The following ANGPTL2 variants were observed in gnomAD, a reference collection of about 807,000 sequenced individuals.
ANGPTL2 encodes angiopoietin like 2, also known as angiopoietin-related protein 2.
In ANGPTL2, 25 loss-of-function variants were observed where a neutral mutation model predicts 52.8. The observed-to-expected ratio is 0.47, with a 90% confidence interval of 0.35 to 0.66. The LOEUF (loss-of-function observed/expected upper bound fraction) is 0.66, where lower values mean the gene tolerates loss of function less well. Ranked by LOEUF, ANGPTL2 falls within the 30% of genes least tolerant of loss-of-function variation. The probability of loss-of-function intolerance (pLI) is 0.01; values close to 1 mark genes in which losing one functional copy is unlikely to be tolerated. For missense variants in ANGPTL2, 546 were observed against 656.9 expected (o/e 0.83, Z 1.84); for synonymous variants, 276 against 277.4 (o/e 1.00, Z 0.05).
rs1240074533 is a variant in ANGPTL2 at position 127,087,804 on chromosome 9, C to T, written c.*1135G>A. 1.3e-5 allele frequency: 2 copies of T among 152,276 alleles called. No homozygotes were observed. The highest frequency in any genetic ancestry group is 2.4e-5 in the African/African-American group (1 of 41,450). The allele number at this position is 152,276 out of a possible 1,614,324, so 9.4% of individuals were successfully genotyped here. Reference sequence around the variant, plus strand: ...TCTAGTCAGCCTGAGAGCGTGGAATCTCTGGTCTGTAGCCATCTGGGGGCT... The same window carrying T: ...TCTAGTCAGCCTGAGAGCGTGGAATTTCTGGTCTGTAGCCATCTGGGGGCT... On this transcript the variant is annotated 3_prime_UTR_variant, in exon 5 of 5. Transcript: ENST00000373425.
chr9:127,089,634 TAAG>T (rs941820574), intron 4 of ANGPTL2, among the ~76,000 whole-genome samples: 1 of 152,210 alleles, frequency 6.6e-6, no homozygotes, highest in Non-Finnish European at 1.5e-5. Context: ...AGAAAGTGTT[TAAG>T]AAGAAATGCT....
At chr9:127,107,548 C>T (rs1353401822) in intron 2 of ANGPTL2, among the ~76,000 whole-genome samples, 1 of 152,192 alleles carries the variant, frequency 6.6e-6, no homozygotes, top group Non-Finnish European at 1.5e-5. Flanking sequence ...CAACCCTGTG[C>T]CAGGCACAGT....
Position 127,095,396 on chromosome 9 carries a change from C to T in ANGPTL2, c.818-1470G>A, listed in dbSNP as rs557707236. 3.9e-5 allele frequency among the ~76,000 whole-genome samples: 6 copies of T among 152,332 alleles called. No homozygotes were observed. The East Asian group carries it at 1.2e-3, about 29-fold the overall frequency. On this transcript the variant is annotated intron_variant, in intron 2 of 4. Transcript: ENST00000373425. ...CTGAGTGGCAGAGCAAGACAAGACT[C>T]CGTCTCAAAAAAATAAATAAATAAA...
At chr9:127,119,729 G>A (rs546520099) in intron 1 of ANGPTL2, among the ~76,000 whole-genome samples, 1 of 152,284 alleles carries the variant, frequency 6.6e-6, no homozygotes, top group Admixed American at 6.5e-5. Flanking sequence ...GCAATAACAT[G>A]TAGTCCCCTG....
chr9:127,102,719 AGC>A (rs1564582478), intron 2 of ANGPTL2, among the ~76,000 whole-genome samples: 1 of 152,198 alleles, frequency 6.6e-6, no homozygotes, highest in Non-Finnish European at 1.5e-5. Flanking sequence ...GCAATAAGGG[AGC>A]TGGCCCTCCT....
chr9:127,116,573 C>T (rs887869815), intron 1 of ANGPTL2, among the ~76,000 whole-genome samples: 6 of 152,160 alleles, frequency 3.9e-5, no homozygotes, highest in African/African-American at 1.4e-4. Flanking sequence ...CTCTGGAGCC[C>T]TACAACTGGG....
intron 1 of ANGPTL2, among the ~76,000 whole-genome samples, chr9:127,110,247 A>T (rs2054662560): frequency 6.6e-6 from 1 of 152,184 alleles, no homozygotes. Context: ...TCTGTTTGCC[A>T]GATGGAAGGG....
At chr9:127,095,395 T>C (rs1418972930) in intron 2 of ANGPTL2, among the ~76,000 whole-genome samples, 1 of 152,114 alleles carries the variant, frequency 6.6e-6, no homozygotes, top group Non-Finnish European at 1.5e-5. Flanking sequence ...AAGACAAGAC[T>C]CCGTCTCAAA....
intron 4 of ANGPTL2, among the ~76,000 whole-genome samples, chr9:127,089,382 C>A (rs531800372): frequency 6.6e-6 from 1 of 152,328 alleles, no homozygotes; most frequent in African/African-American, 2.4e-5. Flanking sequence ...CCACTGTATC[C>A]TCATCTGTAA....
Position 127,091,553 on chromosome 9 carries a change from G to A in ANGPTL2, c.1282+117C>T, listed in dbSNP as rs1269208738. 9 of 1,405,970 alleles carry A rather than the reference G, an allele frequency of 6.4e-6. No individual in the cohort carries two copies. Among genetic ancestry groups the A allele is most frequent in the Non-Finnish European group, 8.7e-6 (9 of 1,039,984 alleles). 87.1% of individuals were successfully genotyped at this position (1,405,970 alleles called of 1,614,324 possible). On this transcript the variant is annotated intron_variant, in intron 4 of 4. Transcript: ENST00000373425. This position sits in a 1 kb window ranked among gnomAD's most constrained non-coding sequence, Gnocchi z 4.3. ...GGTGGTAACAGGGTCAGGCAGCTTG[G>A]CCCAGCTGCTTCTCACCCTGGGATC...
rs957347118 is a variant in ANGPTL2, at chr9:127,122,164, C to T, written c.-50+151G>A. Among the ~76,000 whole-genome samples, 1 of 152,186 alleles carries T rather than the reference C, an allele frequency of 6.6e-6. No homozygotes were observed. Among genetic ancestry groups the T allele is most frequent in the African/African-American group, 2.4e-5 (1 of 41,444 alleles). ...CACAGGTTCTGCCCCGGACATGCCT[C>T]GTTTGGCTCCAAGCGATAGCAGGGA... On this transcript the variant is annotated intron_variant, in intron 1 of 4. Coordinates refer to ENST00000373425, the MANE Select transcript of ANGPTL2 (RefSeq NM_012098.3). The surrounding 1 kb of genome is among the most constrained non-coding windows in gnomAD (Gnocchi z 6.4).
intron 1 of ANGPTL2, among the ~76,000 whole-genome samples, chr9:127,117,508 C>T (rs761781703): frequency 6.6e-6 from 1 of 152,182 alleles, no homozygotes; most frequent in African/African-American, 2.4e-5. Context: ...AAGGGGTCCA[C>T]GGTAGTAGGT....
At position 127,089,206 on chromosome 9, in the gene ANGPTL2, G is replaced by A; in HGVS notation, c.1283-68C>T. ...ATTCTACTTGCGTCCATAGTGCTCAGGGCTTTCGGCAAAGCCCTCTCTGGG... is the reference window on the plus strand; with the variant it reads ...ATTCTACTTGCGTCCATAGTGCTCAAGGCTTTCGGCAAAGCCCTCTCTGGG... On this transcript the variant is annotated intron_variant, in intron 4 of 4. Transcript: ENST00000373425. The A allele has an allele frequency of 1.9e-6, 3 of 1,548,526 alleles. No homozygotes were observed. In the South Asian group the frequency reaches 3.4e-5, roughly 17 times the overall value.
At chr9:127,094,369 C>T (rs2136520984) in intron 2 of ANGPTL2, among the ~76,000 whole-genome samples, 1 of 151,740 alleles carries the variant, frequency 6.6e-6, no homozygotes, top group South Asian at 2.1e-4. Flanking sequence ...TCAGTGCCTG[C>T]AGGCTCTGAT....
At chr9:127,113,130 C>G (rs2055018745) in intron 1 of ANGPTL2, among the ~76,000 whole-genome samples, 1 of 152,194 alleles carries the variant, frequency 6.6e-6, no homozygotes, top group Non-Finnish European at 1.5e-5. Flanking sequence ...GAACAGGGCA[C>G]TGTGCTGGGC....
At chr9:127,109,775 C>T (rs981958473) in intron 1 of ANGPTL2, among the ~76,000 whole-genome samples, 1 of 152,194 alleles carries the variant, frequency 6.6e-6, no homozygotes, top group African/African-American at 2.4e-5. Context: ...ATGCCATTCC[C>T]AAATGCCAGA....
chr9:127,095,772 C>T (rs1296189838), intron 2 of ANGPTL2, among the ~76,000 whole-genome samples: 4 of 152,172 alleles, frequency 2.6e-5, no homozygotes, highest in East Asian at 3.9e-4. Context: ...CTAGTTCACA[C>T]GTAATAGTTA....
At chr9:127,099,394 A>G (rs990130766) in intron 2 of ANGPTL2, among the ~76,000 whole-genome samples, 9 of 152,222 alleles carry the variant, frequency 5.9e-5, no homozygotes, top group African/African-American at 1.9e-4. Flanking sequence ...AAGTCTTCTT[A>G]CCACTCCCTG....
rs1183719660 is a variant in ANGPTL2, at chr9:127,091,361, A to G, written c.1282+309T>C. On this transcript the variant is annotated intron_variant, in intron 4 of 4. Coordinates refer to ENST00000373425, the MANE Select transcript of ANGPTL2 (RefSeq NM_012098.3). This position sits in a 1 kb window ranked among gnomAD's most constrained non-coding sequence, Gnocchi z 4.3. ...CCTGGGACAGAAGTGGTGAGGCCACAGCCCAACACATGTCTTTCTGCATTG... is the reference window on the plus strand; with the variant it reads ...CCTGGGACAGAAGTGGTGAGGCCACGGCCCAACACATGTCTTTCTGCATTG... Among the ~76,000 whole-genome samples the G allele has an allele frequency of 6.6e-6, 1 of 152,220 alleles. No homozygotes were observed. Among genetic ancestry groups the G allele is most frequent in the Non-Finnish European group, 1.5e-5 (1 of 68,028 alleles).
Sources: gnomAD v4.1 joint callset for allele counts (sites outside exome capture counted in the v4.1 genomes callset) on GRCh38, gnomAD v4.1.1 for gene constraint, Gnocchi (gnomAD v3.1) non-coding constraint, MANE v1.5 for transcripts, NCBI Gene and HGNC (gene_info 2026-07-23, HGNC 2026-07-21) for gene names.